The following PNPO variants were observed in gnomAD, a reference collection of about 807,000 sequenced individuals.
The protein encoded by PNPO is pyridoxine-5'-phosphate oxidase.
A neutral mutation model predicts 35.0 loss-of-function variants in PNPO; 39 were observed. The ratio of observed to expected loss-of-function variants is 1.11; its 90% CI spans 0.86 to 1.45. PNPO has a LOEUF of 1.45. Ranked by LOEUF, PNPO falls within the 40% of genes most tolerant of loss-of-function variation. The pLI is 0.00. For synonymous variants in PNPO, 115 were observed against 119.8 expected, an observed-to-expected ratio of 0.96 and a Z score of 0.26; for missense variants, 288 against 340.0, an observed-to-expected ratio of 0.85 and a Z score of 1.20.
rs745695670 is a variant in PNPO at position 47,944,732 on chromosome 17, AGTAATCTTTCCCAG to A, written c.363+19_363+32del. ...AAAGAGCTGGTGGGTGAAAAGAGCT[AGTAATCTTTCCCAG>A]GGCCTGCAGGGTTTGGCTCTTGCTT... On this transcript the variant is annotated intron_variant, in intron 3 of 6. Coordinates refer to ENST00000642017, the MANE Select transcript of PNPO (RefSeq NM_018129.4). 3 of 1,595,786 alleles carry A rather than the reference AGTAATCTTTCCCAG, an allele frequency of 1.9e-6. No individual in the cohort carries two copies. The highest frequency in any genetic ancestry group is 1.7e-4 in the Middle Eastern group (1 of 6,026).
chr17:47,943,249 C>A, intron 1 of PNPO, 57 bp from the exon 2 acceptor site: 1 of 1,413,006 alleles, frequency 7.1e-7, no homozygotes, highest in African/African-American at 1.4e-5. Context: ...AGAACAGTGC[C>A]AGGTCCATAG....
At position 47,945,919 on chromosome 17, in the gene PNPO, A is replaced by T; in HGVS notation, c.476A>T (p.His159Leu). The part of the protein sequence containing the change: ...LPEEEAECYF[H>L]SRPKSSQIGA... ...GAGGAGGAGGCTGAGTGCTACTTCC[A>T]CTCCCGCCCCAAGAGCAGCCAGATT... is the stretch of plus-strand genomic sequence containing the variant. The change falls in exon 5 of 7, where the codon CAC (histidine) becomes CTC (leucine). Residue 159 changes from histidine (H) to leucine (L), a missense_variant. By Grantham distance (99) the His-to-Leu change is moderately conservative. Coordinates refer to ENST00000642017, the MANE Select transcript of PNPO (RefSeq NM_018129.4). The surrounding 1 kb of genome is among the most constrained non-coding windows in gnomAD (Gnocchi z 4.0). 6.2e-7 allele frequency: 1 copy of T among 1,613,442 alleles called. No individual in the cohort carries two copies.
Position 47,945,792 on chromosome 17 carries a change from A to G in PNPO, c.418-69A>G. 2.6e-5 allele frequency: 41 copies of G among 1,582,264 alleles called. No homozygotes were observed. The highest frequency in any genetic ancestry group is 1.8e-4 in the Middle Eastern group (1 of 5,658). ...GGGGCAGCCGATCGAACAGAGAGGA[A>G]CGGGGCCTGTGCTGGTAGGGAGGGC... On this transcript the variant is annotated intron_variant, in intron 4 of 6. Coordinates refer to ENST00000642017, the MANE Select transcript of PNPO (RefSeq NM_018129.4). The surrounding 1 kb of genome is among the most constrained non-coding windows in gnomAD (Gnocchi z 4.0).
rs959930110 is a variant in PNPO, at chr17:47,946,688, T to A, written c.692T>A (p.Val231Asp). 1.9e-6 allele frequency: 3 copies of A among 1,614,060 alleles called. No homozygotes were observed. In the African/African-American group the frequency reaches 4.0e-5, roughly 22 times the overall value. Residue 231 changes from valine to aspartate, a missense_variant, in exon 7 of 7, where the codon GTC becomes GAC. Physicochemically the swap from Val to Asp is radical, Grantham distance 152. Coordinates refer to ENST00000642017, the MANE Select transcript of PNPO (RefSeq NM_018129.4). ...ACCAACCGCCTGCATGACCGGATAG[T>A]CTTTCGGCGGGGCCTACCCACAGGA... ...GQTNRLHDRI[V>D]FRRGLPTGDS...
intron 1 of PNPO, 52 bp downstream of exon 1, chr17:47,941,865 C>A: frequency 6.6e-7 from 1 of 1,522,102 alleles, no homozygotes; most frequent in Non-Finnish European, 8.9e-7. Context: ...AAGGGGTCCC[C>A]GGAGTCATCT....
chr17:47,944,659 G>A lies in PNPO; in HGVS notation c.307G>A (p.Gly103Arg), dbSNP rs781657980. ...SARMLLLKGF[G>R]KDGFRFFTNF... Reference sequence around the variant, plus strand: ...TCGCATGTTGCTGCTGAAGGGCTTCGGGAAAGATGGCTTCCGCTTCTTCAC... The same window carrying A: ...TCGCATGTTGCTGCTGAAGGGCTTCAGGAAAGATGGCTTCCGCTTCTTCAC... The change falls in exon 3 of 7, where the codon GGG becomes AGG. Residue 103 changes from glycine to arginine, a missense_variant. By Grantham distance (125) the Gly-to-Arg change is moderately radical. Transcript: ENST00000642017. 3.2e-5 allele frequency: 52 copies of A among 1,614,048 alleles called. No homozygotes were observed. Among genetic ancestry groups the A allele is most frequent in the Non-Finnish European group, 4.0e-5 (47 of 1,180,038 alleles).
chr17:47,941,695 G>A lies in PNPO; in HGVS notation c.20G>A (p.Gly7Asp), dbSNP rs1426940419. 5 of 1,540,770 alleles carry A rather than the reference G, an allele frequency of 3.2e-6. No individual in the cohort carries two copies. The highest frequency in any genetic ancestry group is 1.2e-5 in the South Asian group (1 of 83,704). The change falls in exon 1 of 7, where the codon GGC becomes GAC. Residue 7 changes from glycine to aspartate, a missense_variant. Transcript: ENST00000642017. The part of the protein sequence containing the change: MTCWLR[G>D]VTATFGRPAE... ...CCCCCCATGACGTGCTGGCTGCGGG[G>A]CGTCACGGCGACGTTCGGGCGACCT... is the stretch of plus-strand genomic sequence containing the variant.
chr17:47,943,709 A>C (rs1349105121), intron 2 of PNPO, among the ~76,000 whole-genome samples: 2 of 152,000 alleles, frequency 1.3e-5, no homozygotes, highest in Non-Finnish European at 2.9e-5. Flanking sequence ...CTCCCCATCT[A>C]CCCAAGCCCC....
intron 2 of PNPO, 136 bp from the exon 3 acceptor site, chr17:47,944,480 C>T: frequency 1.3e-6 from 1 of 778,950 alleles, no homozygotes; most frequent in Admixed American, 1.7e-5. Context: ...CCCAGGAGCA[C>T]ATGGGACGGG....
chr17:47,945,138 G>T lies in PNPO; in HGVS notation c.364-421G>T. 1 of 378,042 alleles carries T rather than the reference G, an allele frequency of 2.6e-6. No homozygotes were observed. The highest frequency in any genetic ancestry group is 3.9e-5 in the Admixed American group (1 of 25,834). 23.4% of individuals were successfully genotyped at this position (378,042 alleles called of 1,614,324 possible). ...AACAGTAAGCTCTGTAGGAGTGGAG[G>T]CTGCTCTGTTTTATCTCTGCTGTAT... On this transcript the variant is annotated intron_variant, in intron 3 of 6. Transcript: ENST00000642017. The surrounding 1 kb of genome is among the most constrained non-coding windows in gnomAD (Gnocchi z 4.0).
In PNPO at chr17:47,944,706, A is replaced by G; in HGVS notation, c.354A>G (p.Gly118=). 1 of 1,613,488 alleles carries G rather than the reference A, an allele frequency of 6.2e-7. No individual in the cohort carries two copies. The highest frequency in any genetic ancestry group is 8.5e-7 in the Non-Finnish European group (1 of 1,179,396). ...TCACTAACTTCGAGAGTCGAAAAGG[A>G]AAAGAGCTGGTGGGTGAAAAGAGCT... ...RFFTNFESRK[G]KELDSNPFAS... The change falls in exon 3 of 7, where the codon GGA becomes GGG. Residue 118 remains glycine, a synonymous_variant. Transcript: ENST00000642017.
intron 2 of PNPO, 96 bp from the exon 3 acceptor site, chr17:47,944,520 A>G: frequency 1.1e-6 from 1 of 947,498 alleles, no homozygotes. Flanking sequence ...AAGGGGGTGC[A>G]GCTGGAGGGG....
chr17:47,943,679 C>A (rs1292056111), intron 2 of PNPO, among the ~76,000 whole-genome samples: 1 of 152,210 alleles, frequency 6.6e-6, no homozygotes, highest in Non-Finnish European at 1.5e-5. Context: ...CATCCACACA[C>A]AACCCCTTGC....
At chr17:47,946,435 C>G (rs575928781) in intron 6 of PNPO, 42 bp downstream of exon 6, 3 of 1,520,266 alleles carry the variant, frequency 2.0e-6, no homozygotes, top group Non-Finnish European at 2.7e-6. Flanking sequence ...GACACCAGGC[C>G]CCTGTGTTTA....
At chr17:47,946,226 C>G (rs1301341653) in intron 5 of PNPO, 97 bp from the exon 6 acceptor site, 2 of 1,092,876 alleles carry the variant, frequency 1.8e-6, no homozygotes, top group African/African-American at 3.1e-5. Context: ...CCAGTCTGCT[C>G]TGCTCACCCA....
At position 47,945,485 on chromosome 17, in the gene PNPO, T is replaced by G; in HGVS notation, c.364-74T>G. 1 of 1,185,538 alleles carries G rather than the reference T, an allele frequency of 8.4e-7. No homozygotes were observed. 73.4% of individuals were successfully genotyped at this position (1,185,538 alleles called of 1,614,324 possible). A position where few individuals can be genotyped will look rare whatever the true frequency, so the allele number is the denominator to read the frequency against. ...GTGGGCCTGCGCACTACAGCTCTCCTGCCTTTTCCCTGCATGCCGGAGGCC... is the reference window on the plus strand; with the variant it reads ...GTGGGCCTGCGCACTACAGCTCTCCGGCCTTTTCCCTGCATGCCGGAGGCC... On this transcript the variant is annotated intron_variant, in intron 3 of 6. Transcript: ENST00000642017. This position sits in a 1 kb window ranked among gnomAD's most constrained non-coding sequence, Gnocchi z 4.0.
chr17:47,945,803 G>C lies in PNPO; in HGVS notation c.418-58G>C. The C allele has an allele frequency of 6.3e-7, 1 of 1,597,466 alleles. No homozygotes were observed. Among genetic ancestry groups the C allele is most frequent in the Non-Finnish European group, 8.5e-7 (1 of 1,171,662 alleles). Reference sequence around the variant, plus strand: ...TCGAACAGAGAGGAACGGGGCCTGTGCTGGTAGGGAGGGCAGGTGGCATTT... The same window carrying C: ...TCGAACAGAGAGGAACGGGGCCTGTCCTGGTAGGGAGGGCAGGTGGCATTT... On this transcript the variant is annotated intron_variant, in intron 4 of 6. Transcript: ENST00000642017. This position sits in a 1 kb window ranked among gnomAD's most constrained non-coding sequence, Gnocchi z 4.0.
intron 2 of PNPO, 73 bp downstream of exon 2, chr17:47,943,503 G>C: frequency 6.4e-7 from 1 of 1,574,634 alleles, no homozygotes; most frequent in Non-Finnish European, 8.7e-7. Context: ...CTCTACTCTG[G>C]ATGCCAATTT....
chr17:47,946,634 C>G lies in PNPO; in HGVS notation c.638C>G (p.Pro213Arg), dbSNP rs1344795242. The G allele has an allele frequency of 6.2e-7, 1 of 1,614,222 alleles. No individual in the cohort carries two copies. Among genetic ancestry groups the G allele is most frequent in the Non-Finnish European group, 8.5e-7 (1 of 1,180,038 alleles). Reference protein sequence around the residue: ...PKSWGGYVLYPQVMEFWQGQT... With the variant: ...PKSWGGYVLYRQVMEFWQGQT... ...TATAGGGGTGGCTATGTCCTGTACCCTCAGGTGATGGAGTTCTGGCAAGGT... is the reference window on the plus strand; with the variant it reads ...TATAGGGGTGGCTATGTCCTGTACCGTCAGGTGATGGAGTTCTGGCAAGGT... Residue 213 changes from proline (P) to arginine (R), a missense_variant, in exon 7 of 7, where the codon CCT becomes CGT. By Grantham distance (103) the Pro-to-Arg change is moderately radical (BLOSUM62 -2). Coordinates refer to ENST00000642017, the MANE Select transcript of PNPO (RefSeq NM_018129.4).
Sources: gnomAD v4.1 joint callset for allele counts (sites outside exome capture counted in the v4.1 genomes callset) on GRCh38, gnomAD v4.1.1 for gene constraint, Gnocchi (gnomAD v3.1) non-coding constraint, MANE v1.5 for transcripts, NCBI Gene and HGNC (gene_info 2026-07-23, HGNC 2026-07-21) for gene names.